The following PRPS2 variants were observed in gnomAD, a reference collection of about 807,000 sequenced individuals.
The protein encoded by PRPS2 is phosphoribosyl pyrophosphate synthetase 2.
For missense variants in PRPS2, 104 were observed against 271.5 expected, an observed-to-expected ratio of 0.38 and a Z score of 4.34; for synonymous variants, 111 against 115.3, an observed-to-expected ratio of 0.96 and a Z score of 0.24.
intron 4 of PRPS2, among the ~76,000 whole-genome samples, chrX:12,813,417 A>T (rs1431792768): frequency 1.8e-5 from 2 of 112,451 alleles, no homozygotes; most frequent in African/African-American, 6.5e-5. Flanking sequence ...CACGTGTGCT[A>T]GTAGGATACG....
chrX:12,817,151 T>C lies in PRPS2; in HGVS notation c.531-2356T>C, dbSNP rs143427360. Among the ~76,000 whole-genome samples, 148 of 110,204 alleles carry C rather than the reference T, an allele frequency of 1.3e-3. 1 individual carries two copies. Among genetic ancestry groups the C allele is most frequent in the African/African-American group, 4.7e-3 (143 of 30,363 alleles). Reference sequence around the variant, plus strand: ...AGGAAACAGTTGTCAGAAGACATCATTGGTCCTGTGTTTCCTACGGAAATA... The same window carrying C: ...AGGAAACAGTTGTCAGAAGACATCACTGGTCCTGTGTTTCCTACGGAAATA... On this transcript the variant is annotated intron_variant, in intron 4 of 6. Coordinates refer to ENST00000380668, the MANE Select transcript of PRPS2 (RefSeq NM_002765.5).
At chrX:12,822,569 T>C in intron 6 of PRPS2, 135 bp from the exon 7 acceptor site, 1 of 578,802 alleles carries the variant, frequency 1.7e-6, no homozygotes, top group Non-Finnish European at 2.9e-6. Flanking sequence ...CTCAAAAGTG[T>C]CGGAAGTTTT....
At chrX:12,817,971 T>A (rs1194483779) in intron 4 of PRPS2, among the ~76,000 whole-genome samples, 1 of 111,655 alleles carries the variant, frequency 9.0e-6, no homozygotes, top group East Asian at 2.8e-4. Context: ...TAGACAGAGA[T>A]AATAGTTGTG....
intron 1 of PRPS2, among the ~76,000 whole-genome samples, chrX:12,797,857 T>G (rs1440933220): frequency 1.8e-5 from 2 of 112,322 alleles, no homozygotes; most frequent in Non-Finnish European, 3.8e-5. Context: ...ACATGCAATT[T>G]TCAAAAACTT....
chrX:12,803,232 G>A (rs952931298), intron 2 of PRPS2, among the ~76,000 whole-genome samples: 1 of 111,888 alleles, frequency 8.9e-6, no homozygotes, highest in Non-Finnish European at 1.9e-5. Flanking sequence ...AATCTCTGCT[G>A]GAATCTTCGC....
chrX:12,799,884 A>C (rs887518303), intron 2 of PRPS2, among the ~76,000 whole-genome samples: 2 of 111,828 alleles, frequency 1.8e-5, no homozygotes, highest in Admixed American at 9.5e-5. Context: ...CGAAATAAAA[A>C]GTTTAATTAA....
chrX:12,806,241 G>A (rs1489940513), intron 2 of PRPS2, among the ~76,000 whole-genome samples: 1 of 108,633 alleles, frequency 9.2e-6, no homozygotes. Flanking sequence ...TTCCTTTTTT[G>A]TAGCAGAGAA....
At chrX:12,813,118 C>T (rs1275215301) in intron 4 of PRPS2, among the ~76,000 whole-genome samples, 1 of 112,113 alleles carries the variant, frequency 8.9e-6, no homozygotes, top group African/African-American at 3.2e-5. Context: ...TAAATGCCAC[C>T]GTTATTTCCA....
At chrX:12,808,250 A>G (rs778178975) in intron 2 of PRPS2, among the ~76,000 whole-genome samples, 2 of 108,504 alleles carry the variant, frequency 1.8e-5, no homozygotes, top group African/African-American at 6.7e-5. Context: ...AACATTTTCA[A>G]TGTAATTCCT....
intron 1 of PRPS2, among the ~76,000 whole-genome samples, chrX:12,795,564 A>G (rs1045729290): frequency 1.8e-5 from 2 of 111,894 alleles, no homozygotes; most frequent in African/African-American, 6.5e-5. Flanking sequence ...TTGCTGCATC[A>G]TCCCATGGCA....
At chrX:12,820,068 C>T (rs1416294446) in intron 5 of PRPS2, among the ~76,000 whole-genome samples, 3 of 112,411 alleles carry the variant, frequency 2.7e-5, no homozygotes, top group Non-Finnish European at 5.6e-5. Context: ...TGGAAGCCCC[C>T]ACCCAGCCAC....
rs763635503 is a variant in PRPS2, at chrX:12,795,757, A to C, written c.123-3450A>C. On this transcript the variant is annotated intron_variant, in intron 1 of 6. Coordinates refer to ENST00000380668, the MANE Select transcript of PRPS2 (RefSeq NM_002765.5). ...AAAGGTCTCACCTGTCAATACTCCT[A>C]TACTGGGGATTAAGCTTTCAACACA... Among the ~76,000 whole-genome samples, 7 of 112,575 alleles carry C rather than the reference A, an allele frequency of 6.2e-5. No homozygotes were observed. In the South Asian group the frequency reaches 2.6e-3, roughly 41 times the overall value.
intron 1 of PRPS2, 120 bp downstream of exon 1, chrX:12,791,739 C>T (rs2042519747): frequency 1.1e-5 from 8 of 713,918 alleles, no homozygotes; most frequent in Non-Finnish European, 1.2e-5. Flanking sequence ...CCTTCCGGGG[C>T]GGGACGGTGG....
intron 1 of PRPS2, 40 bp downstream of exon 1, chrX:12,791,659 G>A (rs2147212021): frequency 1.0e-6 from 1 of 953,135 alleles, no homozygotes; most frequent in Non-Finnish European, 1.3e-6. Flanking sequence ...GAGAGCGCTG[G>A]GCACGCGGCT....
At chrX:12,815,532 TCATGTGTCTTGGGA>T (rs750367949) in intron 4 of PRPS2, among the ~76,000 whole-genome samples, 33 of 111,914 alleles carry the variant, frequency 2.9e-4, no homozygotes, top group Admixed American at 9.4e-5. Flanking sequence ...TGCGAGGTGT[TCATGTGTCTTGGGA>T]AAACCTGTCT....
intron 2 of PRPS2, among the ~76,000 whole-genome samples, chrX:12,804,617 C>T (rs1569095294): frequency 9.0e-6 from 1 of 111,345 alleles, no homozygotes; most frequent in African/African-American, 3.3e-5. Flanking sequence ...CTCTTAGAAT[C>T]TCTTAGACAA....
intron 1 of PRPS2, among the ~76,000 whole-genome samples, chrX:12,793,733 A>G (rs1276920789): frequency 8.9e-6 from 1 of 112,437 alleles, no homozygotes; most frequent in African/African-American, 3.2e-5. Context: ...AGTTCATGTA[A>G]GGGCCCCTTC....
At chrX:12,792,033 T>C (rs1016328720) in intron 1 of PRPS2, among the ~76,000 whole-genome samples, 1 of 112,916 alleles carries the variant, frequency 8.9e-6, no homozygotes, top group Non-Finnish European at 1.9e-5. Context: ...AGAGACGTCC[T>C]GGGTTGGCTG....
Position 12,822,847 on chromosome X carries a change from T to C in PRPS2, c.*51T>C. ...GCCTACTCTGACTTCTGACTTGTTTTTGTTTTCTGGATTTTTAGCTGTAGG... is the reference window on the plus strand; with the variant it reads ...GCCTACTCTGACTTCTGACTTGTTTCTGTTTTCTGGATTTTTAGCTGTAGG... On this transcript the variant is annotated 3_prime_UTR_variant, in exon 7 of 7. Transcript: ENST00000380668. 9.3e-7 allele frequency: 1 copy of C among 1,072,686 alleles called. No homozygotes were observed. Among genetic ancestry groups the C allele is most frequent in the Non-Finnish European group, 1.3e-6 (1 of 772,941 alleles). 88.4% of individuals were successfully genotyped at this position (1,072,686 alleles called of 1,213,427 possible).
Sources: gnomAD v4.1 joint callset for allele counts (sites outside exome capture counted in the v4.1 genomes callset) on GRCh38, gnomAD v4.1.1 for gene constraint, MANE v1.5 for transcripts, NCBI Gene and HGNC (gene_info 2026-07-23, HGNC 2026-07-21) for gene names.